Variants in MGST2 observed in about 807,000 individuals in gnomAD.
MGST2 encodes microsomal glutathione S-transferase 2.
MGST2 carries 9 observed loss-of-function variants against 16.6 expected under a neutral mutation model. That is an observed-to-expected ratio of 0.54 (90% CI 0.33 to 0.95). The LOEUF (loss-of-function observed/expected upper bound fraction) is 0.95. Ranked by LOEUF, MGST2 falls within the 40% of genes least tolerant of loss-of-function variation. MGST2 has a pLI of 0.03. For synonymous variants in MGST2, 79 were observed against 68.0 expected (o/e 1.16, Z -0.79); for missense variants, 159 against 175.1 (o/e 0.91, Z 0.52).
intron 2 of MGST2, among the ~76,000 whole-genome samples, chr4:139,686,036 A>C (rs1731542899): frequency 6.6e-6 from 1 of 152,214 alleles, no homozygotes; most frequent in Non-Finnish European, 1.5e-5. Context: ...TCCTGAGAAC[A>C]CGTGCCCAGT....
At chr4:139,734,056 C>T (rs949209034) in intron 5 of MGST2, among the ~76,000 whole-genome samples, 4 of 152,170 alleles carry the variant, frequency 2.6e-5, no homozygotes, top group Admixed American at 6.5e-5. Context: ...CAAAGCTCTG[C>T]GGCATTCAAC....
At chr4:139,747,789 C>T in the MGST2 span, among the ~76,000 whole-genome samples, 4 of 152,010 alleles carry the variant, frequency 2.6e-5, no homozygotes, top group African/African-American at 9.7e-5. Context: ...CGTGGTGGCT[C>T]ATGCCTGTAA....
intron 1 of MGST2, among the ~76,000 whole-genome samples, chr4:139,668,370 A>T (rs1730482375): frequency 1.3e-5 from 2 of 152,260 alleles, no homozygotes; most frequent in East Asian, 1.9e-4. Flanking sequence ...AGGGAAAGGG[A>T]TTTTCTACAG....
rs1035521299 is a variant in MGST2, at chr4:139,736,115, T to TAC, written c.*49-4088_*49-4087dup. ...TGTGCTTTTCAGACACACACACACA[T>TAC]ACACACACACTCACTCACTCACTCA... On this transcript the variant is annotated intron_variant, in intron 5 of 5. Transcript: ENST00000616265. 3.9e-5 allele frequency among the ~76,000 whole-genome samples: 6 copies of TAC among 151,986 alleles called. No homozygotes were observed. The East Asian group carries it at 7.7e-4, about 20-fold the overall frequency.
chr4:139,743,805 A>G (rs1729235176), downstream of MGST2, among the ~76,000 whole-genome samples: 1 of 152,242 alleles, frequency 6.6e-6, no homozygotes, highest in South Asian at 2.1e-4. Flanking sequence ...AAAGGTCGAC[A>G]AGGCCAATCT....
At chr4:139,743,660 C>T (rs1393024652), downstream of MGST2, among the ~76,000 whole-genome samples, 6 of 152,136 alleles carry the variant, frequency 3.9e-5, no homozygotes, top group Admixed American at 6.5e-5. Flanking sequence ...GGATACCACA[C>T]GGGGAAAAGC....
the MGST2 span, among the ~76,000 whole-genome samples, chr4:139,747,879 C>A: frequency 6.6e-6 from 1 of 151,320 alleles, no homozygotes; most frequent in African/African-American, 2.4e-5. Context: ...TACAGTGAAA[C>A]CCCATCTCTA....
chr4:139,670,425 G>A (rs896831374), intron 1 of MGST2, among the ~76,000 whole-genome samples: 7 of 152,120 alleles, frequency 4.6e-5, no homozygotes, highest in African/African-American at 1.7e-4. Context: ...ACATTTTAAG[G>A]AGGCAGGAAT....
intron 2 of MGST2, among the ~76,000 whole-genome samples, chr4:139,685,666 T>C (rs1057410885): frequency 2.6e-5 from 4 of 152,140 alleles, no homozygotes; most frequent in African/African-American, 7.2e-5. Context: ...GATTTATGTA[T>C]GTATTTATTT....
At chr4:139,703,885 G>C in intron 4 of MGST2, 131 bp from the exon 5 acceptor site, 2 of 1,108,930 alleles carry the variant, frequency 1.8e-6, no homozygotes, top group South Asian at 2.6e-5. Context: ...TATGTGATGA[G>C]CTAAAATTTT....
chr4:139,693,765 A>T (rs1436191329), intron 2 of MGST2, among the ~76,000 whole-genome samples: 1 of 152,226 alleles, frequency 6.6e-6, no homozygotes. Flanking sequence ...TAGACAAGAC[A>T]TTCCTTGGGT....
rs1454687632 is a variant in MGST2, at chr4:139,715,425, G to T, written c.*48+11229G>T. Among the ~76,000 whole-genome samples the T allele has an allele frequency of 6.6e-6, 1 of 152,178 alleles. No individual in the cohort carries two copies. Among genetic ancestry groups the T allele is most frequent in the East Asian group, 1.9e-4 (1 of 5,182 alleles). ...TGCCAGAAATATGTTGCAGGACAGA[G>T]AAATGTGTTACAGGAAAGGGGTCCT... On this transcript the variant is annotated intron_variant, in intron 5 of 5. Coordinates refer to the MGST2 transcript ENST00000616265. The surrounding 1 kb of genome is among the most constrained non-coding windows in gnomAD (Gnocchi z 4.4).
chr4:139,742,058 C>T (rs891808889), downstream of MGST2, among the ~76,000 whole-genome samples: 5 of 152,012 alleles, frequency 3.3e-5, no homozygotes, highest in Non-Finnish European at 7.4e-5. Context: ...CTTGACTCCA[C>T]GCCACACATA....
chr4:139,721,679 G>A (rs1728239510), intron 5 of MGST2, among the ~76,000 whole-genome samples: 1 of 152,064 alleles, frequency 6.6e-6, no homozygotes, highest in South Asian at 2.1e-4. Flanking sequence ...TGTGGCTTGA[G>A]ATCAATATCA....
chr4:139,714,889 A>G (rs949515081), intron 5 of MGST2, among the ~76,000 whole-genome samples: 1 of 152,182 alleles, frequency 6.6e-6, no homozygotes, highest in African/African-American at 2.4e-5. Context: ...CTTGTTAGGG[A>G]GGAAAAAGCT....
intron 5 of MGST2, chr4:139,720,432 G>GA: frequency 1.1e-5 from 10 of 886,838 alleles, no homozygotes; most frequent in African/African-American, 1.7e-5. Flanking sequence ...TATATGAAAG[G>GA]ATCTACTCTG....
chr4:139,749,893 C>CGG, the MGST2 span, among the ~76,000 whole-genome samples: 7 of 141,252 alleles, frequency 5.0e-5, no homozygotes, highest in East Asian at 6.8e-4. Flanking sequence ...GAACCCCCCC[C>CGG]CACCCTATTC....
At chr4:139,694,131 G>A (rs529037049) in intron 2 of MGST2, among the ~76,000 whole-genome samples, 1 of 151,182 alleles carries the variant, frequency 6.6e-6, no homozygotes, top group African/African-American at 2.4e-5. Context: ...CCTAGACGCA[G>A]TTTTCTGTGG....
chr4:139,742,286 T>C (rs1333237256), downstream of MGST2, among the ~76,000 whole-genome samples: 1 of 152,110 alleles, frequency 6.6e-6, no homozygotes, highest in African/African-American at 2.4e-5. Flanking sequence ...GTAGCTGGGA[T>C]TACAGGCGTG....
Sources: gnomAD v4.1 joint callset for allele counts (sites outside exome capture counted in the v4.1 genomes callset) on GRCh38, gnomAD v4.1.1 for gene constraint, Gnocchi (gnomAD v3.1) non-coding constraint, MANE v1.5 for transcripts, NCBI Gene and HGNC (gene_info 2026-07-23, HGNC 2026-07-21) for gene names.